LHFPL2: variants seen among roughly 807,000 people sequenced by gnomAD.
LHFPL2 encodes LHFPL tetraspan subfamily member 2 protein.
A neutral mutation model predicts 17.5 loss-of-function variants in LHFPL2; 7 were observed. That is an observed-to-expected ratio of 0.40 (90% CI 0.23 to 0.75). The LOEUF is 0.75. Among genes scored for constraint, LHFPL2 ranks in the 30% least tolerant of loss-of-function variants. The pLI is 0.37. For missense variants in LHFPL2, 241 were observed against 294.8 expected (o/e 0.82, Z 1.34); for synonymous variants, 134 against 116.2 (o/e 1.15, Z -0.99).
chr5:78,530,458 G>A (rs1238776399), intron 3 of LHFPL2, among the ~76,000 whole-genome samples: 7 of 152,208 alleles, frequency 4.6e-5, no homozygotes, highest in Admixed American at 4.6e-4. Context: ...ACACGGAACA[G>A]GGTGCTGGGG....
At chr5:78,575,377 T>A (rs1267574308) in intron 2 of LHFPL2, among the ~76,000 whole-genome samples, 1 of 151,918 alleles carries the variant, frequency 6.6e-6, no homozygotes, top group Non-Finnish European at 1.5e-5. Flanking sequence ...TGAAACCCCG[T>A]CTCTACTAAA....
At chr5:78,584,893 C>T (rs1743309493) in intron 2 of LHFPL2, among the ~76,000 whole-genome samples, 1 of 151,982 alleles carries the variant, frequency 6.6e-6, no homozygotes, top group Non-Finnish European at 1.5e-5. Flanking sequence ...CTCGCTGCCG[C>T]CTTGCAGTTT....
intron 4 of LHFPL2, 139 bp from the exon 5 acceptor site, chr5:78,489,292 G>A: frequency 1.1e-6 from 1 of 876,088 alleles, no homozygotes; most frequent in Non-Finnish European, 1.7e-6. Flanking sequence ...ACTGTTTCAT[G>A]CAAACTAATC....
chr5:78,615,933 C>T (rs1461636565), intron 2 of LHFPL2, among the ~76,000 whole-genome samples: 1 of 152,072 alleles, frequency 6.6e-6, no homozygotes, highest in Non-Finnish European at 1.5e-5. Flanking sequence ...AGAGAGGTTA[C>T]CTTTGCAAAG....
intron 2 of LHFPL2, among the ~76,000 whole-genome samples, chr5:78,610,716 G>T (rs1744394661): frequency 6.6e-6 from 1 of 150,952 alleles, no homozygotes; most frequent in African/African-American, 2.5e-5. Flanking sequence ...AAGCAGCTAA[G>T]AAGAGTTACA....
At chr5:78,645,647 G>A (rs949258460) in intron 1 of LHFPL2, among the ~76,000 whole-genome samples, 2 of 151,314 alleles carry the variant, frequency 1.3e-5, no homozygotes, top group African/African-American at 2.4e-5. Flanking sequence ...CAATGGTGCC[G>A]TCTCAGCTCG....
At chr5:78,572,509 TATACAC>T (rs1757027010) in intron 2 of LHFPL2, among the ~76,000 whole-genome samples, 1 of 149,732 alleles carries the variant, frequency 6.7e-6, no homozygotes, top group African/African-American at 2.5e-5. Context: ...TATATATATA[TATACAC>T]ACACATATAT....
intron 2 of LHFPL2, among the ~76,000 whole-genome samples, chr5:78,566,295 C>T (rs1756857908): frequency 6.6e-6 from 1 of 152,186 alleles, no homozygotes; most frequent in South Asian, 2.1e-4. Context: ...CAAAGTGTAC[C>T]TGAGGTTGAA....
Position 78,485,645 on chromosome 5 carries a change from G to A in LHFPL2, c.*3252C>T, listed in dbSNP as rs975416269. The A allele has an allele frequency of 2.8e-4, 42 of 152,612 alleles. No individual in the cohort carries two copies. The highest frequency in any genetic ancestry group is 5.9e-5 in the Non-Finnish European group (4 of 68,040). The allele number at this position is 152,612 out of a possible 1,614,324, so 9.5% of individuals were successfully genotyped here. On this transcript the variant is annotated 3_prime_UTR_variant, in exon 5 of 5. Coordinates refer to ENST00000380345, the MANE Select transcript of LHFPL2 (RefSeq NM_005779.3). Reference sequence around the variant, plus strand: ...GCCAGACTCTTACAGCTAAGGAGGTGTGAGATTAGCCCTTAAATACTGGTC... The same window carrying A: ...GCCAGACTCTTACAGCTAAGGAGGTATGAGATTAGCCCTTAAATACTGGTC...
chr5:78,643,943 T>C (rs1057025328), intron 1 of LHFPL2, among the ~76,000 whole-genome samples: 2 of 152,120 alleles, frequency 1.3e-5, no homozygotes, highest in African/African-American at 2.4e-5. Context: ...GCACCTGTAG[T>C]CCCAGCTACT....
rs149074669 is a variant in LHFPL2 at position 78,533,597 on chromosome 5, G to C, written c.-185-23199C>G. Among the ~76,000 whole-genome samples, 266 of 152,292 alleles carry C rather than the reference G, an allele frequency of 1.7e-3. 1 individual carries two copies. Among genetic ancestry groups the C allele is most frequent in the African/African-American group, 6.2e-3 (256 of 41,558 alleles). On this transcript the variant is annotated intron_variant, in intron 3 of 4. Coordinates refer to ENST00000380345, the MANE Select transcript of LHFPL2 (RefSeq NM_005779.3). ...AACAATGTCAGTGCTTGAACTAAAG[G>C]TTTATAATCTGGTCAGAGCACCCTT...
At chr5:78,641,691 G>T (rs1001009622) in intron 1 of LHFPL2, among the ~76,000 whole-genome samples, 2 of 152,056 alleles carry the variant, frequency 1.3e-5, no homozygotes, top group Non-Finnish European at 2.9e-5. Flanking sequence ...ATACACTGAG[G>T]TTCTCCTTTC....
rs1023789089 is a variant in LHFPL2 at position 78,507,330 on chromosome 5, A to T, written c.430+2454T>A. Among the ~76,000 whole-genome samples, 72 of 142,552 alleles carry T rather than the reference A, an allele frequency of 5.1e-4. 1 individual carries two copies. The highest frequency in any genetic ancestry group is 7.1e-3 in the Middle Eastern group (2 of 280). 93.5% of individuals were successfully genotyped at this position (142,552 alleles called of 152,430 possible). ...GGGCAACAGAATGAGAATCTGTCTT[A>T]AAAAAAAAAAAGAAAAGAAAAAGAA... On this transcript the variant is annotated intron_variant, in intron 4 of 4. Transcript: ENST00000380345.
chr5:78,558,217 T>C (rs528979363), intron 3 of LHFPL2, among the ~76,000 whole-genome samples: 5 of 152,362 alleles, frequency 3.3e-5, no homozygotes, highest in African/African-American at 1.2e-4. Context: ...ATTATTTACC[T>C]ATGTTAACAA....
At chr5:78,610,479 G>A (rs1322166613) in intron 2 of LHFPL2, among the ~76,000 whole-genome samples, 9 of 152,294 alleles carry the variant, frequency 5.9e-5, no homozygotes, top group East Asian at 5.8e-4. Context: ...GATTCCACTC[G>A]GAAGCCAAGG....
intron 3 of LHFPL2, among the ~76,000 whole-genome samples, chr5:78,531,927 ATT>A (rs536783744): frequency 2.1e-5 from 3 of 141,862 alleles, no homozygotes; most frequent in Non-Finnish European, 4.6e-5. Flanking sequence ...TGCCCGGCTA[ATT>A]TTTTTTTTTT....
chr5:78,625,091 A>G (rs1368923185), intron 2 of LHFPL2: 1 of 152,220 alleles, frequency 6.6e-6, no homozygotes, highest in Non-Finnish European at 1.5e-5. Flanking sequence ...CAGAGTTGCA[A>G]TTCTCCAAAT....
intron 2 of LHFPL2, among the ~76,000 whole-genome samples, chr5:78,628,513 C>T (rs1745137114): frequency 6.6e-6 from 1 of 152,210 alleles, no homozygotes; most frequent in East Asian, 1.9e-4. Context: ...CCACCCCTCC[C>T]TGGTGCTCCG....
chr5:78,500,914 C>T (rs982271452), intron 4 of LHFPL2, among the ~76,000 whole-genome samples: 3 of 152,128 alleles, frequency 2.0e-5, no homozygotes, highest in African/African-American at 4.8e-5. Flanking sequence ...TAATGGCATT[C>T]GTTAAATTCC....
Sources: gnomAD v4.1 joint callset for allele counts (sites outside exome capture counted in the v4.1 genomes callset) on GRCh38, gnomAD v4.1.1 for gene constraint, MANE v1.5 for transcripts, NCBI Gene and HGNC (gene_info 2026-07-23, HGNC 2026-07-21) for gene names.